Variants in UBA6 observed in about 807,000 individuals in gnomAD.
UBA6 encodes ubiquitin-like modifier-activating enzyme 6.
UBA6 carries 87 observed loss-of-function variants against 148.3 expected under a neutral mutation model. The observed-to-expected ratio is 0.59, with a 90% CI of 0.49 to 0.70. The LOEUF (loss-of-function observed/expected upper bound fraction) is 0.70, where lower values mean the gene tolerates loss of function less well. Ranked by LOEUF, UBA6 falls within the 30% of genes least tolerant of loss-of-function variation. The pLI is 0.00. For synonymous variants in UBA6, 376 were observed against 401.0 expected (o/e 0.94, Z 0.75); for missense variants, 1,186 against 1,241.2 (o/e 0.96, Z 0.67).
intron 25 of UBA6, 37 bp downstream of exon 25, chr4:67,631,671 T>A (rs72642357): frequency 0.14 from 200,207 of 1,450,206 alleles, 14,755 homozygotes; most frequent in Middle Eastern, 0.23. Flanking sequence ...AAGAAATATA[T>A]AATGAAGGAT....
chr4:67,687,888 C>T lies in UBA6; in HGVS notation c.135-5675G>A, dbSNP rs1730609278. On this transcript the variant is annotated intron_variant, in intron 2 of 32. Coordinates refer to ENST00000322244, the MANE Select transcript of UBA6 (RefSeq NM_018227.6). The stretch of plus-strand genomic sequence containing the variant: ...ATGTAGCAACCCTGCATTTGTACCC[C>T]TGAATTTAACAGTTAAAAAAGAAAA... Among the ~76,000 whole-genome samples, 4 of 152,092 alleles carry T rather than the reference C, an allele frequency of 2.6e-5. No homozygotes were observed. In the South Asian group the frequency reaches 6.2e-4, roughly 24 times the overall value.
At chr4:67,660,013 G>A (rs1172850642) in intron 13 of UBA6, among the ~76,000 whole-genome samples, 1 of 152,172 alleles carries the variant, frequency 6.6e-6, no homozygotes, top group Non-Finnish European at 1.5e-5. Flanking sequence ...ATGATTTAGG[G>A]TATCTGGTAG....
rs1178803139 is a variant in UBA6 at position 67,622,883 on chromosome 4, T to C, written c.2971A>G (p.Lys991Glu). The C allele has an allele frequency of 6.2e-7, 1 of 1,613,334 alleles. No homozygotes were observed. Among genetic ancestry groups the C allele is most frequent in the Non-Finnish European group, 8.5e-7 (1 of 1,179,644 alleles). Residue 991 changes from lysine (K) to glutamate (E), a missense_variant, in exon 32 of 33, where the codon AAA (lysine) becomes GAA (glutamate). Transcript: ENST00000322244. The part of the protein sequence containing the change: ...IEPTMVVQGV[K>E]MLYVPVMPGH... ...GGCATTACAGGAACATAAAGCATTT[T>C]GACTCCCTGTACCACCATTGTTGGC...
chr4:67,645,664 A>C (rs1451528177), intron 16 of UBA6, among the ~76,000 whole-genome samples: 2 of 152,076 alleles, frequency 1.3e-5, no homozygotes, highest in Non-Finnish European at 2.9e-5. Context: ...AAAATTAAAA[A>C]CCCACCAATT....
chr4:67,684,087 AAAACAACCCCC>A (rs1730504007), intron 2 of UBA6, among the ~76,000 whole-genome samples: 1 of 152,184 alleles, frequency 6.6e-6, no homozygotes, highest in African/African-American at 2.4e-5. Context: ...CAAACAAAAC[AAAACAACCCCC>A]TGCCCCCAGC....
intron 13 of UBA6, among the ~76,000 whole-genome samples, chr4:67,653,752 A>G (rs1042002702): frequency 6.6e-6 from 1 of 152,206 alleles, no homozygotes; most frequent in African/African-American, 2.4e-5. Context: ...CTAAAGGAGC[A>G]TGTTCTAACC....
intron 1 of UBA6, among the ~76,000 whole-genome samples, chr4:67,699,769 A>AT (rs1054021648): frequency 1.6e-4 from 24 of 151,906 alleles, no homozygotes; most frequent in African/African-American, 5.6e-4. Flanking sequence ...CGCCCAGCTA[A>AT]TTTTTTTGTA....
At chr4:67,619,232 G>A in intron 32 of UBA6, 100 bp from the exon 33 acceptor site, 1 of 802,764 alleles carries the variant, frequency 1.2e-6, no homozygotes, top group Middle Eastern at 3.2e-4. Flanking sequence ...CTTGTATCTA[G>A]ACTTTAACAT....
intron 6 of UBA6, among the ~76,000 whole-genome samples, chr4:67,674,156 GACA>G (rs1340306174): frequency 3.9e-4 from 60 of 152,270 alleles, no homozygotes; most frequent in Admixed American, 3.9e-3. Context: ...TTAAAAACCT[GACA>G]ACATTTTTAA....
Position 67,663,891 on chromosome 4 carries a change from G to C in UBA6, c.954C>G (p.Asn318Lys). The change falls in exon 11 of 33, where the codon AAC becomes AAG. Residue 318 changes from asparagine (N) to lysine (K), a missense_variant. Transcript: ENST00000322244. ...CTGCAAAGTGTTTATTTACCTCAGG[G>C]TTGCTAAAATCCACAATAAGGCACT... ...HPKCLIVDFS[N>K]PEAPLEIHTA... is the part of the protein sequence containing the mutation. 1 of 1,613,244 alleles carries C rather than the reference G, an allele frequency of 6.2e-7. No individual in the cohort carries two copies. The highest frequency in any genetic ancestry group is 8.5e-7 in the Non-Finnish European group (1 of 1,179,506).
intron 13 of UBA6, among the ~76,000 whole-genome samples, chr4:67,654,925 A>G (rs894430849): frequency 6.1e-4 from 90 of 148,712 alleles, no homozygotes; most frequent in Middle Eastern, 3.3e-3. Context: ...TTAAACCAAC[A>G]AAGATCAAAA....
Position 67,635,478 on chromosome 4 carries a change from T to A in UBA6, c.1817A>T (p.His606Leu). The A allele has an allele frequency of 6.2e-7, 1 of 1,607,966 alleles. No homozygotes were observed. The highest frequency in any genetic ancestry group is 8.5e-7 in the Non-Finnish European group (1 of 1,174,632). ...ATGACTATTGTAAGACTCAGTCAAATGCGGTACAATAACTTCAGTGTGTCC... is the reference window on the plus strand; with the variant it reads ...ATGACTATTGTAAGACTCAGTCAAAAGCGGTACAATAACTTCAGTGTGTCC... ...TKGHTEVIVP[H>L]LTESYNSHRD... The change falls in exon 20 of 33, where the codon CAT becomes CTT. Residue 606 changes from histidine (H) to leucine (L), a missense_variant. His to Leu is a moderately conservative substitution (Grantham distance 99). Transcript: ENST00000322244.
At chr4:67,691,287 T>C (rs1469612762) in intron 2 of UBA6, among the ~76,000 whole-genome samples, 1 of 127,634 alleles carries the variant, frequency 7.8e-6, no homozygotes, top group East Asian at 2.2e-4. Context: ...TTAAAATTTA[T>C]CAAAACTATG....
chr4:67,680,066 G>A (rs1229862076), intron 4 of UBA6, among the ~76,000 whole-genome samples: 2 of 152,118 alleles, frequency 1.3e-5, no homozygotes, highest in African/African-American at 4.8e-5. Context: ...ATGATGACAG[G>A]AAACCACTGA....
At chr4:67,690,675 C>G (rs1428447843) in intron 2 of UBA6, among the ~76,000 whole-genome samples, 2 of 152,042 alleles carry the variant, frequency 1.3e-5, no homozygotes, top group Admixed American at 6.6e-5. Flanking sequence ...ACATAGCCAA[C>G]AAGTATATGA....
At chr4:67,692,934 T>C (rs1020907260) in intron 2 of UBA6, among the ~76,000 whole-genome samples, 1 of 152,222 alleles carries the variant, frequency 6.6e-6, no homozygotes. Flanking sequence ...AAGATTGCAT[T>C]GATTTCTTTA....
chr4:67,665,321 T>C, intron 9 of UBA6, 29 bp from the exon 10 acceptor site: 1 of 1,300,542 alleles, frequency 7.7e-7, no homozygotes, highest in South Asian at 1.3e-5. Flanking sequence ...AAAAAATCAT[T>C]ACACAGGGAT....
intron 13 of UBA6, among the ~76,000 whole-genome samples, chr4:67,653,891 C>T (rs1729618526): frequency 6.6e-6 from 1 of 152,152 alleles, no homozygotes; most frequent in Non-Finnish European, 1.5e-5. Context: ...ACGATGCATG[C>T]ACAAGCTTCA....
At chr4:67,674,806 A>G (rs1730237602) in intron 6 of UBA6, among the ~76,000 whole-genome samples, 1 of 151,664 alleles carries the variant, frequency 6.6e-6, no homozygotes, top group Admixed American at 6.6e-5. Flanking sequence ...CATAAATTGG[A>G]CCTTTTCATT....
Sources: allele counts gnomAD v4.1 joint callset (sites outside exome capture counted in the v4.1 genomes callset), GRCh38; gene constraint gnomAD v4.1.1; transcripts MANE v1.5; gene names NCBI Gene and HGNC (gene_info 2026-07-23, HGNC 2026-07-21).